The following ARRB1 variants were observed in gnomAD, a reference collection of about 807,000 sequenced individuals.
ARRB1 encodes arrestin beta 1.
ARRB1 carries 21 observed loss-of-function variants against 56.8 expected under a neutral mutation model. That is an observed-to-expected ratio of 0.37 (90% confidence interval 0.26 to 0.53). The LOEUF is 0.53. ARRB1 is among the 20% of genes least tolerant of loss of function. The pLI is 0.88. For missense variants in ARRB1, 424 were observed against 553.7 expected (o/e 0.77, Z 2.35); for synonymous variants, 210 against 218.6 (o/e 0.96, Z 0.35).
intron 11 of ARRB1, 42 bp from the exon 12 acceptor site, chr11:75,273,020 G>GGT: frequency 1.3e-6 from 2 of 1,589,678 alleles, no homozygotes; most frequent in Non-Finnish European, 1.7e-6. Context: ...GGCCTTGCCA[G>GGT]GTGGGCGAGA....
intron 1 of ARRB1, among the ~76,000 whole-genome samples, chr11:75,328,695 C>T (rs1214813633): frequency 6.6e-6 from 1 of 152,244 alleles, no homozygotes; most frequent in Non-Finnish European, 1.5e-5. Flanking sequence ...TAGTCTGAAG[C>T]TGCAGAGGCC....
intron 1 of ARRB1, among the ~76,000 whole-genome samples, chr11:75,323,583 G>C (rs1315144114): frequency 6.6e-6 from 1 of 152,148 alleles, no homozygotes; most frequent in East Asian, 1.9e-4. Context: ...TCACGCCACT[G>C]CACTCCAGCC....
chr11:75,284,052 C>A (rs1420996081), intron 4 of ARRB1, among the ~76,000 whole-genome samples, 183 bp downstream of exon 4: 2 of 152,172 alleles, frequency 1.3e-5, no homozygotes, highest in Non-Finnish European at 2.9e-5. Flanking sequence ...CATGGGGAAA[C>A]CTTCTCCCAA....
chr11:75,287,213 C>G lies in ARRB1; in HGVS notation c.112+102G>C, dbSNP rs1019185135. On this transcript the variant is annotated intron_variant, in intron 3 of 15. Coordinates refer to ENST00000420843, the MANE Select transcript of ARRB1 (RefSeq NM_004041.5). ...CCTGAAGCAGGAAGCCATTCACCCCCGTTCTTGGCACCGGGCCCCTCTGGA... is the reference window on the plus strand; with the variant it reads ...CCTGAAGCAGGAAGCCATTCACCCCGGTTCTTGGCACCGGGCCCCTCTGGA... 4.8e-6 allele frequency: 6 copies of G among 1,242,546 alleles called. No homozygotes were observed. The South Asian group carries it at 9.0e-5, about 19-fold the overall frequency. 77.0% of individuals were successfully genotyped at this position (1,242,546 alleles called of 1,614,324 possible).
intron 2 of ARRB1, among the ~76,000 whole-genome samples, chr11:75,288,205 C>G (rs1036556237): frequency 5.9e-5 from 9 of 152,198 alleles, no homozygotes; most frequent in Non-Finnish European, 1.0e-4. Context: ...TGTTATTTAT[C>G]ATGTACAACA....
intron 1 of ARRB1, 84 bp downstream of exon 1, chr11:75,351,504 C>A (rs1235631624): frequency 2.3e-5 from 35 of 1,490,102 alleles, no homozygotes; most frequent in Non-Finnish European, 3.0e-5. Context: ...GAACGCAGAA[C>A]CAGGACGCAA....
At chr11:75,332,045 C>T (rs954326511) in intron 1 of ARRB1, among the ~76,000 whole-genome samples, 1 of 152,004 alleles carries the variant, frequency 6.6e-6, no homozygotes, top group African/African-American at 2.4e-5. Context: ...TTTTGACCCC[C>T]GCCCCTACCC....
At chr11:75,279,410 A>T (rs557288186) in intron 7 of ARRB1, among the ~76,000 whole-genome samples, 244 of 152,118 alleles carry the variant, frequency 1.6e-3, no homozygotes, top group Non-Finnish European at 2.7e-3. Context: ...ATTACAGGGG[A>T]TCAGGGAGCA....
At chr11:75,346,398 G>C (rs991131791) in intron 1 of ARRB1, among the ~76,000 whole-genome samples, 2 of 152,058 alleles carry the variant, frequency 1.3e-5, no homozygotes, top group African/African-American at 2.4e-5. Context: ...GCAGAGGGAG[G>C]GGGTGGATGA....
At chr11:75,273,702 G>C (rs1411352584) in intron 11 of ARRB1, among the ~76,000 whole-genome samples, 3 of 6,528 alleles carry the variant, frequency 4.6e-4, no homozygotes, top group Non-Finnish European at 2.4e-3. Flanking sequence ...GGCACCCCAT[G>C]TTGGGTCTAA....
At chr11:75,338,966 C>T (rs1373792235) in intron 1 of ARRB1, among the ~76,000 whole-genome samples, 1 of 152,154 alleles carries the variant, frequency 6.6e-6, no homozygotes, top group African/African-American at 2.4e-5. Context: ...ACATTATCTC[C>T]AGAGGCTGGA....
At chr11:75,350,355 G>A (rs1029659801) in intron 1 of ARRB1, among the ~76,000 whole-genome samples, 1 of 152,184 alleles carries the variant, frequency 6.6e-6, no homozygotes, top group East Asian at 1.9e-4. Flanking sequence ...AAATGGAAAC[G>A]AGGAGAGGGG....
At chr11:75,281,856 C>A in intron 6 of ARRB1, 106 bp downstream of exon 6, 1 of 1,183,338 alleles carries the variant, frequency 8.5e-7, no homozygotes, top group Non-Finnish European at 1.2e-6. Flanking sequence ...GACTGTTCAA[C>A]AGGGAGAGTG....
Position 75,267,674 on chromosome 11 carries a change from T to C in ARRB1, c.1123A>G (p.Asn375Asp). 2 of 1,556,246 alleles carry C rather than the reference T, an allele frequency of 1.3e-6. No homozygotes were observed. The stretch of plus-strand genomic sequence containing the variant: ...TACTTTGTGTCAAGTTCTATGAGAT[T>C]GGTATCTACTGGCGTCTCGTTCTCT... ...VPENETPVDTNLIELDTNDDD... is the reference protein window; with the variant it reads ...VPENETPVDTDLIELDTNDDD... The change falls in exon 15 of 16, where the codon AAT becomes GAT. Residue 375 changes from asparagine (N) to aspartate (D), a missense_variant. Around this residue, in one of 3 missense-constraint regions of ARRB1, gnomAD observed 121 missense variants for 147.3 expected, o/e 0.82. Transcript: ENST00000420843.
rs904471665 is a variant in ARRB1, at chr11:75,262,846, GAACC to G, written c.*3313_*3316del. On this transcript the variant is annotated 3_prime_UTR_variant, in exon 16 of 16. Transcript: ENST00000420843. ...CCAGCTTGTCAGGAACTCTCCCACA[GAACC>G]AACAGCCAGGTGAACCCACTCTAGC... Among the ~76,000 whole-genome samples, 1 of 152,208 alleles carries G rather than the reference GAACC, an allele frequency of 6.6e-6. No homozygotes were observed. Among genetic ancestry groups the G allele is most frequent in the African/African-American group, 2.4e-5 (1 of 41,458 alleles).
intron 1 of ARRB1, among the ~76,000 whole-genome samples, chr11:75,328,574 C>T (rs762830757): frequency 8.5e-5 from 13 of 152,236 alleles, no homozygotes; most frequent in Non-Finnish European, 1.5e-4. Flanking sequence ...CAGCCATTCA[C>T]CCATCCCAAG....
intron 15 of ARRB1, 89 bp downstream of exon 15, chr11:75,267,563 G>T (rs1448184841): frequency 1.5e-6 from 2 of 1,348,706 alleles, no homozygotes; most frequent in Admixed American, 1.9e-5. Flanking sequence ...CGGCTCCTCA[G>T]GAGTTAATAA....
At chr11:75,286,431 C>T (rs189864704) in intron 3 of ARRB1, among the ~76,000 whole-genome samples, 1 of 150,098 alleles carries the variant, frequency 6.7e-6, no homozygotes, top group East Asian at 1.9e-4. Context: ...CCATGCTCGG[C>T]TATTTTTTTT....
At chr11:75,321,279 C>A (rs1260835269) in intron 1 of ARRB1, among the ~76,000 whole-genome samples, 1 of 141,068 alleles carries the variant, frequency 7.1e-6, no homozygotes, top group African/African-American at 2.6e-5. Context: ...CCCCCCACCA[C>A]CATCCCCCCA....
Sources: allele counts gnomAD v4.1 joint callset (sites outside exome capture counted in the v4.1 genomes callset), GRCh38; gene constraint gnomAD v4.1.1; regional missense constraint gnomAD v4.1.1; transcripts MANE v1.5; gene names NCBI Gene and HGNC (gene_info 2026-07-23, HGNC 2026-07-21).